DPP10: variants seen among roughly 807,000 people sequenced by gnomAD.
DPP10 encodes inactive dipeptidyl peptidase 10.
DPP10 carries 33 observed loss-of-function variants against 120.9 expected under a neutral mutation model. The ratio of observed to expected loss-of-function variants is 0.27; its 90% confidence interval spans 0.21 to 0.37. The LOEUF is 0.37. DPP10 is among the 10% of genes least tolerant of loss of function. The pLI, the probability that DPP10 is intolerant of heterozygous loss-of-function variation, is 1.00. For synonymous variants in DPP10, 337 were observed against 326.1 expected (o/e 1.03, Z -0.36); for missense variants, 816 against 942.8 (o/e 0.87, Z 1.76).
At chr2:115,543,234 C>T (rs1328851392) in intron 5 of DPP10, among the ~76,000 whole-genome samples, 1 of 151,952 alleles carries the variant, frequency 6.6e-6, no homozygotes, top group South Asian at 2.1e-4. Flanking sequence ...CAGAAAATTC[C>T]GGTCTTCCGG....
At chr2:115,308,058 A>G (rs1331011597) in intron 1 of DPP10, among the ~76,000 whole-genome samples, 1 of 152,102 alleles carries the variant, frequency 6.6e-6, no homozygotes, top group East Asian at 1.9e-4. Context: ...AATGCCTCCT[A>G]TGCATGGTTT....
intron 1 of DPP10, among the ~76,000 whole-genome samples, chr2:114,903,033 T>C (rs1322674554): frequency 2.0e-5 from 3 of 152,360 alleles, no homozygotes; most frequent in South Asian, 2.1e-4. Flanking sequence ...CAGAATGTTA[T>C]ATATTTGGAG....
intron 1 of DPP10, among the ~76,000 whole-genome samples, chr2:115,251,930 C>T (rs2058770401): frequency 6.6e-6 from 1 of 152,162 alleles, no homozygotes; most frequent in Non-Finnish European, 1.5e-5. Context: ...GCAGCCCCAC[C>T]TTCCAGTATC....
intron 1 of DPP10, among the ~76,000 whole-genome samples, chr2:115,230,138 C>T (rs552679164): frequency 1.3e-5 from 2 of 151,540 alleles, no homozygotes; most frequent in African/African-American, 4.8e-5. Context: ...ATTGTTTGTT[C>T]TTTTTGTTGT....
chr2:115,351,090 A>G (rs1382119650), intron 3 of DPP10, among the ~76,000 whole-genome samples: 2 of 152,122 alleles, frequency 1.3e-5, no homozygotes, highest in African/African-American at 2.4e-5. Flanking sequence ...TTGCAGCACT[A>G]TTCATAATAG....
intron 1 of DPP10, among the ~76,000 whole-genome samples, chr2:114,897,877 G>A (rs1574442810): frequency 6.6e-6 from 1 of 151,890 alleles, no homozygotes; most frequent in East Asian, 1.9e-4. Context: ...TGGAGAAATA[G>A]GAACACTTTT....
intron 1 of DPP10, chr2:115,064,911 C>T: frequency 8.4e-7 from 1 of 1,190,396 alleles, no homozygotes; most frequent in Non-Finnish European, 1.1e-6. Context: ...TCCTATTTTT[C>T]TTTTTTGTTT....
intron 1 of DPP10, among the ~76,000 whole-genome samples, chr2:114,917,473 A>C (rs1166823467): frequency 1.3e-5 from 2 of 152,300 alleles, no homozygotes; most frequent in Non-Finnish European, 2.9e-5. Flanking sequence ...GCTATTCTAA[A>C]ACTGAAACCA....
At chr2:115,390,987 C>T (rs1429020141) in intron 3 of DPP10, among the ~76,000 whole-genome samples, 3 of 151,984 alleles carry the variant, frequency 2.0e-5, no homozygotes, top group Non-Finnish European at 4.4e-5. Flanking sequence ...TGACAGAGAT[C>T]CTAGTATTGG....
chr2:115,079,233 A>G (rs1264162536), intron 1 of DPP10, among the ~76,000 whole-genome samples: 1 of 152,100 alleles, frequency 6.6e-6, no homozygotes. Flanking sequence ...ACAAAACATT[A>G]GCCGGACGTG....
intron 1 of DPP10, among the ~76,000 whole-genome samples, chr2:114,646,136 G>T: frequency 6.6e-6 from 1 of 150,386 alleles, no homozygotes; most frequent in Non-Finnish European, 1.5e-5. Flanking sequence ...CTCCAGCCTG[G>T]GTGACAGAGC....
At chr2:115,377,329 T>G (rs1485032456) in intron 3 of DPP10, among the ~76,000 whole-genome samples, 4 of 152,162 alleles carry the variant, frequency 2.6e-5, no homozygotes, top group Admixed American at 2.0e-4. Flanking sequence ...TTCATGTGTT[T>G]TTTGGCTGCA....
At chr2:114,529,956 C>T (rs116471486) in intron 1 of DPP10, among the ~76,000 whole-genome samples, 2 of 152,066 alleles carry the variant, frequency 1.3e-5, no homozygotes, top group African/African-American at 4.8e-5. Flanking sequence ...GTTTTCTGTT[C>T]CTTTAATTTG....
chr2:115,634,329 C>G (rs1043231761), intron 5 of DPP10, among the ~76,000 whole-genome samples: 1 of 152,178 alleles, frequency 6.6e-6, no homozygotes, highest in Non-Finnish European at 1.5e-5. Flanking sequence ...TCTTTCTCAT[C>G]TTCAGGAGTT....
intron 1 of DPP10, among the ~76,000 whole-genome samples, chr2:114,921,242 C>T (rs1380306431): frequency 2.6e-5 from 4 of 152,080 alleles, no homozygotes; most frequent in African/African-American, 7.2e-5. Context: ...TGGTGGGGGA[C>T]AAAGCTTGCT....
At chr2:115,317,158 CA>C (rs1426790553) in intron 2 of DPP10, among the ~76,000 whole-genome samples, 2 of 152,032 alleles carry the variant, frequency 1.3e-5, no homozygotes, top group African/African-American at 4.8e-5. Flanking sequence ...ACCCATTAAG[CA>C]GTTGCTCCTC....
At chr2:115,398,611 A>G (rs1230744094) in intron 3 of DPP10, among the ~76,000 whole-genome samples, 2 of 152,144 alleles carry the variant, frequency 1.3e-5, no homozygotes, top group East Asian at 1.9e-4. Flanking sequence ...TTGCATCATT[A>G]AAAGTTCTCA....
At chr2:114,499,681 T>C (rs1410150038) in intron 1 of DPP10, among the ~76,000 whole-genome samples, 1 of 152,114 alleles carries the variant, frequency 6.6e-6, no homozygotes, top group East Asian at 1.9e-4. Context: ...ATCCCAGGTA[T>C]CCATCAGTTC....
intron 3 of DPP10, among the ~76,000 whole-genome samples, chr2:115,345,011 C>T (rs2063639704): frequency 6.6e-6 from 1 of 152,018 alleles, no homozygotes; most frequent in African/African-American, 2.4e-5. Flanking sequence ...GTAATTTAAC[C>T]CATGAGGGCA....
Sources: allele counts gnomAD v4.1 joint callset (sites outside exome capture counted in the v4.1 genomes callset), GRCh38; gene constraint gnomAD v4.1.1; transcripts MANE v1.5; gene names NCBI Gene and HGNC (gene_info 2026-07-23, HGNC 2026-07-21).